Variants in INTS9 observed in about 807,000 individuals in gnomAD.
INTS9 encodes protein related to CPSF subunits of 74 kDa.
INTS9 carries 55 observed loss-of-function variants against 79.7 expected under a neutral mutation model. The observed-to-expected ratio is 0.69, with a 90% confidence interval of 0.56 to 0.86. The LOEUF (loss-of-function observed/expected upper bound fraction) is 0.86, where lower values mean the gene tolerates loss of function less well. Among genes scored for constraint, INTS9 ranks in the 40% least tolerant of loss-of-function variants. INTS9 has a pLI of 0.00. For synonymous variants in INTS9, 319 were observed against 325.2 expected, an observed-to-expected ratio of 0.98 and a Z score of 0.20; for missense variants, 721 against 831.5, an observed-to-expected ratio of 0.87 and a Z score of 1.64.
At chr8:28,880,431 G>A (rs1809660795) in intron 1 of INTS9, among the ~76,000 whole-genome samples, 3 of 151,110 alleles carry the variant, frequency 2.0e-5, no homozygotes, top group African/African-American at 4.8e-5. Flanking sequence ...ACTGGTTTTC[G>A]TTTTTTTTTG....
At chr8:28,814,944 C>T (rs1345381909) in intron 6 of INTS9, among the ~76,000 whole-genome samples, 1 of 152,158 alleles carries the variant, frequency 6.6e-6, no homozygotes, top group Non-Finnish European at 1.5e-5. Context: ...CAAGTCCTAC[C>T]CATGGCACAT....
chr8:28,817,423 A>G (rs1279722785), intron 6 of INTS9, among the ~76,000 whole-genome samples: 2 of 151,978 alleles, frequency 1.3e-5, no homozygotes, highest in Admixed American at 1.3e-4. Context: ...TCCTTTCCCC[A>G]TTGCTTGTTT....
chr8:28,856,843 A>C (rs1440481957), intron 2 of INTS9, among the ~76,000 whole-genome samples: 4 of 152,140 alleles, frequency 2.6e-5, no homozygotes, highest in Non-Finnish European at 4.4e-5. Flanking sequence ...AGTAGCCAAG[A>C]GTTAGTTTTT....
intron 6 of INTS9, among the ~76,000 whole-genome samples, chr8:28,820,870 G>C (rs887925169): frequency 5.9e-5 from 9 of 152,106 alleles, no homozygotes; most frequent in Admixed American, 1.3e-4. Context: ...AGGGAGGATA[G>C]TATGTAATGC....
chr8:28,889,848 C>T (rs765810223), intron 1 of INTS9, 26 bp downstream of exon 1: 4 of 1,613,556 alleles, frequency 2.5e-6, no homozygotes, highest in Non-Finnish European at 3.4e-6. Context: ...TCACCTTTGC[C>T]CTCTGACCTA....
intron 6 of INTS9, among the ~76,000 whole-genome samples, chr8:28,820,726 A>T (rs911497616): frequency 2.0e-5 from 3 of 152,218 alleles, no homozygotes; most frequent in African/African-American, 7.2e-5. Context: ...TTGTGATCCC[A>T]TCCTGAGAAA....
intron 8 of INTS9, among the ~76,000 whole-genome samples, chr8:28,811,719 CCG>C (rs955962155): frequency 2.4e-4 from 37 of 152,320 alleles, no homozygotes; most frequent in South Asian, 4.1e-4. Flanking sequence ...CCGCGCCCAG[CCG>C]ACATGGTTTA....
chr8:28,873,834 C>T (rs1275016780), intron 1 of INTS9, among the ~76,000 whole-genome samples: 2 of 152,142 alleles, frequency 1.3e-5, no homozygotes, highest in South Asian at 4.1e-4. Flanking sequence ...GAGGATCCCC[C>T]CTTCCCACTA....
In INTS9 at chr8:28,882,959, C is replaced by T. The variant is rs149579313; in HGVS notation, c.9+6915G>A. 3.9e-5 allele frequency among the ~76,000 whole-genome samples: 6 copies of T among 152,350 alleles called. No individual in the cohort carries two copies. In the East Asian group the frequency reaches 5.8e-4, roughly 15 times the overall value. On this transcript the variant is annotated intron_variant, in intron 1 of 16. Transcript: ENST00000521022. Reference sequence around the variant, plus strand: ...CACTGAGCAACTTGCGACTTTCAAGCCAGTGCCTTTCTCTTGCAGGGTCTT... The same window carrying T: ...CACTGAGCAACTTGCGACTTTCAAGTCAGTGCCTTTCTCTTGCAGGGTCTT...
chr8:28,887,016 A>T (rs1267613088), intron 1 of INTS9, among the ~76,000 whole-genome samples: 1 of 152,188 alleles, frequency 6.6e-6, no homozygotes, highest in Non-Finnish European at 1.5e-5. Flanking sequence ...ATTATTTACC[A>T]ATTATTTACA....
intron 8 of INTS9, among the ~76,000 whole-genome samples, chr8:28,809,104 C>T (rs369238996): frequency 1.2e-4 from 19 of 152,136 alleles, no homozygotes; most frequent in Admixed American, 5.9e-4. Context: ...CGCATGCCAC[C>T]GCACCTGGCT....
At chr8:28,780,385 C>G in intron 12 of INTS9, 2 of 985,216 alleles carry the variant, frequency 2.0e-6, no homozygotes, top group African/African-American at 1.7e-5. Context: ...TGTAAACACT[C>G]TACTTGACCT....
chr8:28,819,888 T>A (rs1395975744), intron 6 of INTS9, among the ~76,000 whole-genome samples: 1 of 152,226 alleles, frequency 6.6e-6, no homozygotes, highest in East Asian at 1.9e-4. Flanking sequence ...GTTGAATTGA[T>A]CCCTTTACCA....
chr8:28,813,688 T>A (rs1419902920), intron 6 of INTS9, 76 bp from the exon 7 acceptor site: 2 of 1,496,912 alleles, frequency 1.3e-6, no homozygotes, highest in South Asian at 2.4e-5. Flanking sequence ...TAGTAATTTG[T>A]CCATTTGATC....
chr8:28,779,603 G>A (rs1426288476), intron 12 of INTS9, among the ~76,000 whole-genome samples: 1 of 152,138 alleles, frequency 6.6e-6, no homozygotes, highest in East Asian at 1.9e-4. Flanking sequence ...ATCGCAGAAT[G>A]ACCCTGCATC....
intron 6 of INTS9, among the ~76,000 whole-genome samples, chr8:28,820,438 CT>C (rs1805764955): frequency 6.6e-6 from 1 of 152,184 alleles, no homozygotes; most frequent in South Asian, 2.1e-4. Flanking sequence ...AAATTCTTTT[CT>C]TTAAGAATGT....
intron 8 of INTS9, among the ~76,000 whole-genome samples, chr8:28,804,457 A>T (rs1056585161): frequency 2.6e-5 from 4 of 151,998 alleles, no homozygotes; most frequent in Non-Finnish European, 5.9e-5. Flanking sequence ...TGGAAGGTTC[A>T]ATACCCCCCG....
At chr8:28,808,296 C>T (rs1015317705) in intron 8 of INTS9, among the ~76,000 whole-genome samples, 23 of 151,320 alleles carry the variant, frequency 1.5e-4, no homozygotes, top group Admixed American at 1.5e-3. Flanking sequence ...TGGGTTCAAG[C>T]GATTCTCCTG....
rs550445578 is a variant in INTS9 at position 28,783,234 on chromosome 8, C to T, written c.1099-2240G>A. On this transcript the variant is annotated intron_variant, in intron 11 of 16. Coordinates refer to ENST00000521022, the MANE Select transcript of INTS9 (RefSeq NM_018250.4). Reference sequence around the variant, plus strand: ...GTACGTGTTGAACCAAGAGTCTCCCCTGCAGCATAACACTTGACAATCATC... The same window carrying T: ...GTACGTGTTGAACCAAGAGTCTCCCTTGCAGCATAACACTTGACAATCATC... Among the ~76,000 whole-genome samples the T allele has an allele frequency of 4.6e-5, 7 of 152,074 alleles. No homozygotes were observed. The South Asian group carries it at 1.3e-3, about 27-fold the overall frequency.
Sources: gnomAD v4.1 joint callset for allele counts (sites outside exome capture counted in the v4.1 genomes callset) on GRCh38, gnomAD v4.1.1 for gene constraint, MANE v1.5 for transcripts, NCBI Gene and HGNC (gene_info 2026-07-23, HGNC 2026-07-21) for gene names.